Variants in DTNA observed in about 807,000 individuals in gnomAD.
DTNA encodes the protein dystrobrevin alpha.
In DTNA, 43 loss-of-function variants were observed where a neutral mutation model predicts 100.7. The observed-to-expected ratio is 0.43, with a 90% CI of 0.33 to 0.55. DTNA has a LOEUF of 0.55. DTNA is among the 20% of genes least tolerant of loss of function. The pLI, the probability that DTNA is intolerant of heterozygous loss-of-function variation, is 0.04. For missense variants in DTNA, 798 were observed against 953.9 expected (o/e 0.84, Z 2.15); for synonymous variants, 349 against 347.9 (o/e 1.00, Z -0.04).
chr18:34,564,966 G>A (rs951743581), intron 1 of DTNA, among the ~76,000 whole-genome samples: 5 of 152,118 alleles, frequency 3.3e-5, no homozygotes, highest in African/African-American at 1.2e-4. Context: ...ATATATTTAG[G>A]AATCCTGCCT....
chr18:34,552,170 C>T (rs181545762), intron 1 of DTNA, among the ~76,000 whole-genome samples: 398 of 152,096 alleles, frequency 2.6e-3, no homozygotes, highest in Non-Finnish European at 4.8e-3. Flanking sequence ...ATTTTTCCAT[C>T]GTTACTTTTC....
chr18:34,555,784 C>T (rs1256322909), intron 1 of DTNA, among the ~76,000 whole-genome samples: 1 of 152,036 alleles, frequency 6.6e-6, no homozygotes, highest in Non-Finnish European at 1.5e-5. Context: ...CTGAGGAGAG[C>T]TTTACTTCCA....
chr18:34,749,031 G>A (rs1275588197), intron 1 of DTNA, among the ~76,000 whole-genome samples: 2 of 151,930 alleles, frequency 1.3e-5, no homozygotes, highest in Non-Finnish European at 2.9e-5. Context: ...CTTTGGTTTA[G>A]TATATCCATA....
chr18:34,723,025 T>G (rs1475276258), intron 1 of DTNA, among the ~76,000 whole-genome samples: 1 of 152,246 alleles, frequency 6.6e-6, no homozygotes, highest in Non-Finnish European at 1.5e-5. Context: ...GATACATATT[T>G]TCTTTCCTTT....
intron 1 of DTNA, chr18:34,558,030 G>C (rs2146144199): frequency 6.5e-6 from 1 of 153,690 alleles, no homozygotes; most frequent in Middle Eastern, 3.2e-3. Flanking sequence ...GACTCCGTGG[G>C]CGTAGGACCC....
chr18:34,735,221 C>G (rs891103315), intron 1 of DTNA, among the ~76,000 whole-genome samples: 1 of 152,110 alleles, frequency 6.6e-6, no homozygotes, highest in African/African-American at 2.4e-5. Context: ...GACAGTCTCT[C>G]CTTTTCACGT....
intron 17 of DTNA, chr18:34,867,421 T>C: frequency 8.1e-7 from 1 of 1,227,210 alleles, no homozygotes; most frequent in South Asian, 4.3e-5. Context: ...GAAGGACACA[T>C]AACACATACA....
In DTNA at chr18:34,624,972, G is replaced by A. The variant is rs569359025; in HGVS notation, c.-1-131004G>A. Among the ~76,000 whole-genome samples, 8 of 151,952 alleles carry A rather than the reference G, an allele frequency of 5.3e-5. No individual in the cohort carries two copies. The East Asian group carries it at 5.8e-4, about 11-fold the overall frequency. ...CAACCTCTGCCTCCTGGGTTCAAGC[G>A]ATTCTCCTGCCTCAGCCTCCTGAGT... On this transcript the variant is annotated intron_variant, in intron 1 of 19. Transcript: ENST00000283365.
intron 1 of DTNA, among the ~76,000 whole-genome samples, chr18:34,752,493 A>G (rs774821855): frequency 6.6e-6 from 1 of 152,218 alleles, no homozygotes; most frequent in Non-Finnish European, 1.5e-5. Flanking sequence ...ACTTTGTCCT[A>G]GAGTCCCTCT....
chr18:34,496,335 A>G (rs2039226099), intron 1 of DTNA, among the ~76,000 whole-genome samples: 1 of 152,122 alleles, frequency 6.6e-6, no homozygotes, highest in Non-Finnish European at 1.5e-5. Context: ...AATGTTTTTG[A>G]TATTGAACTT....
rs548003022 is a variant in DTNA, at chr18:34,560,632, G to A, written c.-2+67118G>A. 1.1e-4 allele frequency among the ~76,000 whole-genome samples: 17 copies of A among 152,290 alleles called. 1 individual carries two copies. The East Asian group carries it at 1.7e-3, about 16-fold the overall frequency. Reference sequence around the variant, plus strand: ...TTAAAATTTGAATAAGAGGTTGGGCGCTATGGCTCACTCCTGTAATCCCAG... The same window carrying A: ...TTAAAATTTGAATAAGAGGTTGGGCACTATGGCTCACTCCTGTAATCCCAG... On this transcript the variant is annotated intron_variant, in intron 1 of 19. Transcript: ENST00000283365.
At chr18:34,792,464 A>G (rs1404882188) in intron 3 of DTNA, among the ~76,000 whole-genome samples, 1 of 152,246 alleles carries the variant, frequency 6.6e-6, no homozygotes, top group Non-Finnish European at 1.5e-5. Context: ...AATTCATAGT[A>G]GAAGCTGATG....
chr18:34,543,706 G>A (rs1189479149), intron 1 of DTNA, among the ~76,000 whole-genome samples: 1 of 151,980 alleles, frequency 6.6e-6, no homozygotes, highest in Non-Finnish European at 1.5e-5. Flanking sequence ...CAGTGTACTG[G>A]GTTTAAAAAT....
At chr18:34,745,200 C>T (rs1601300240) in intron 1 of DTNA, among the ~76,000 whole-genome samples, 1 of 152,000 alleles carries the variant, frequency 6.6e-6, no homozygotes, top group South Asian at 2.1e-4. Context: ...AATATATTCT[C>T]CTGCCTCTCC....
intron 1 of DTNA, among the ~76,000 whole-genome samples, chr18:34,604,086 C>T (rs973109324): frequency 5.3e-5 from 8 of 152,080 alleles, no homozygotes; most frequent in African/African-American, 1.2e-4. Flanking sequence ...GCAATTGTTC[C>T]GTGAACTGTT....
rs1306584161 is a variant in DTNA, at chr18:34,557,661, G to A, written c.-2+64147G>A. Among the ~76,000 whole-genome samples the A allele has an allele frequency of 6.3e-4, 96 of 151,828 alleles. 1 individual carries two copies. The highest frequency in any genetic ancestry group is 2.2e-3 in the African/African-American group (89 of 41,356). The stretch of plus-strand genomic sequence containing the variant: ...GTCAGTGTGCCCCTGCTGGGGGGGT[G>A]CCTCCCAGTTAGGCTGCTCGGGGGT... On this transcript the variant is annotated intron_variant, in intron 1 of 19. Coordinates refer to the DTNA transcript ENST00000283365.
At position 34,579,232 on chromosome 18, in the gene DTNA, C is replaced by T. The variant is rs183551382; in HGVS notation, c.-2+85718C>T. Among the ~76,000 whole-genome samples, 78 of 152,158 alleles carry T rather than the reference C, an allele frequency of 5.1e-4. No individual in the cohort carries two copies. The South Asian group carries it at 0.012, about 24-fold the overall frequency. ...ATGTATTTTATTTACTTATAGGTAA[C>T]GACACAAAATGTGTTACTATTTTTG... is the stretch of plus-strand genomic sequence containing the variant. On this transcript the variant is annotated intron_variant, in intron 1 of 19. Transcript: ENST00000283365.
chr18:34,786,007 A>G (rs1039981018), intron 3 of DTNA, among the ~76,000 whole-genome samples: 1 of 152,098 alleles, frequency 6.6e-6, no homozygotes, highest in Non-Finnish European at 1.5e-5. Context: ...TGACATTCTC[A>G]AGGGGCTAAG....
At chr18:34,580,571 A>G (rs1169701040) in intron 1 of DTNA, among the ~76,000 whole-genome samples, 6 of 152,114 alleles carry the variant, frequency 3.9e-5, no homozygotes, top group African/African-American at 1.4e-4. Flanking sequence ...CTTTAGATGT[A>G]TTTGGGGAAG....
Sources: allele counts gnomAD v4.1 joint callset (sites outside exome capture counted in the v4.1 genomes callset), GRCh38; gene constraint gnomAD v4.1.1; transcripts MANE v1.5; gene names NCBI Gene and HGNC (gene_info 2026-07-23, HGNC 2026-07-21).